DCLRE1A: variants seen among roughly 807,000 people sequenced by gnomAD.
DCLRE1A encodes DNA cross-link repair 1A protein.
Under a neutral mutation model 91.9 loss-of-function variants are expected in DCLRE1A, and 64 were observed. That is an observed-to-expected ratio of 0.70 (90% CI 0.57 to 0.86). The LOEUF is 0.86. DCLRE1A is among the 40% of genes least tolerant of loss of function. The pLI is 0.00. For synonymous variants in DCLRE1A, 416 were observed against 431.1 expected (o/e 0.96, Z 0.43); for missense variants, 1,145 against 1,213.3 (o/e 0.94, Z 0.84).
chr10:113,844,185 G>C lies in DCLRE1A; in HGVS notation c.2438C>G (p.Thr813Arg). The change falls in exon 5 of 9, where the codon ACG (threonine) becomes AGG (arginine). Residue 813 changes from threonine to arginine, a missense_variant. Transcript: ENST00000361384. ...GCTGGGATCTGCTCTGAAGTCTCCC[G>C]TGTGTAATATGACAGTACCATTAGG... ...YLPNGTVILH[T>R]GDFRADPSME... The C allele has an allele frequency of 6.2e-7, 1 of 1,614,156 alleles. No individual in the cohort carries two copies. Among genetic ancestry groups the C allele is most frequent in the Non-Finnish European group, 8.5e-7 (1 of 1,180,018 alleles).
At chr10:113,837,269 T>G (rs1014512075) in intron 7 of DCLRE1A, 66 bp from the exon 8 acceptor site, 2 of 1,457,266 alleles carry the variant, frequency 1.4e-6, no homozygotes, top group African/African-American at 2.8e-5. Context: ...ACAGACTGAT[T>G]AAAGATGTTA....
At chr10:113,839,070 A>T (rs1845405384) in intron 7 of DCLRE1A, among the ~76,000 whole-genome samples, 1 of 152,166 alleles carries the variant, frequency 6.6e-6, no homozygotes, top group Non-Finnish European at 1.5e-5. Flanking sequence ...TCACGCATGT[A>T]TTCCCAGCAC....
intron 8 of DCLRE1A, among the ~76,000 whole-genome samples, chr10:113,836,085 C>T (rs1176277283): frequency 6.6e-6 from 1 of 152,168 alleles, no homozygotes; most frequent in Non-Finnish European, 1.5e-5. Context: ...TGCCTTCTGT[C>T]ATGATTGTAA....
At chr10:113,852,384 T>C (rs1300107997) in intron 1 of DCLRE1A, among the ~76,000 whole-genome samples, 1 of 152,242 alleles carries the variant, frequency 6.6e-6, no homozygotes, top group Non-Finnish European at 1.5e-5. Context: ...TTAAGAACTT[T>C]CATCTATAAA....
intron 3 of DCLRE1A, 93 bp downstream of exon 3, chr10:113,847,109 A>G (rs1213122482): frequency 1.6e-6 from 2 of 1,215,998 alleles, no homozygotes; most frequent in Non-Finnish European, 2.2e-6. Flanking sequence ...AGTAGAATGA[A>G]AGATCTTACT....
At chr10:113,841,756 A>G (rs1845449553) in intron 6 of DCLRE1A, among the ~76,000 whole-genome samples, 196 bp from the exon 7 acceptor site, 1 of 152,186 alleles carries the variant, frequency 6.6e-6, no homozygotes, top group Non-Finnish European at 1.5e-5. Context: ...AAAACTAAAT[A>G]ATTTATTTTT....
In DCLRE1A at chr10:113,850,120, A is replaced by C; in HGVS notation, c.985T>G (p.Ser329Ala). 1 of 1,614,030 alleles carries C rather than the reference A, an allele frequency of 6.2e-7. No individual in the cohort carries two copies. ...TCTTCTTCGAGGCTGCCATCTTTTG[A>C]GCTTTCGGTAAAAAACAGTTGTTCT... ...SQEQLFFTES[S>A]KDGSLEEDDD... Residue 329 changes from serine to alanine, a missense_variant, in exon 2 of 9, where the codon TCA becomes GCA. Ser to Ala is a moderately conservative substitution (Grantham distance 99, BLOSUM62 1). Coordinates refer to ENST00000361384, the MANE Select transcript of DCLRE1A (RefSeq NM_014881.5).
In DCLRE1A at chr10:113,852,958, A is replaced by G; in HGVS notation, c.225T>C (p.Ser75=). 1 of 1,614,218 alleles carries G rather than the reference A, an allele frequency of 6.2e-7. No individual in the cohort carries two copies. Among genetic ancestry groups the G allele is most frequent in the Non-Finnish European group, 8.5e-7 (1 of 1,180,040 alleles). Reference sequence around the variant, plus strand: ...AACTTGAATTCTGACTAGAAGCAACAGAAGTCTGACAACCTGCATTTCCAA... The same window carrying G: ...AACTTGAATTCTGACTAGAAGCAACGGAAGTCTGACAACCTGCATTTCCAA... ...VPLGNAGCQT[S]VASSQNSSCG... The change falls in exon 1 of 9, where the codon TCT becomes TCC. Residue 75 remains serine, a synonymous_variant. Transcript: ENST00000361384.
chr10:113,853,061 C>A lies in DCLRE1A; in HGVS notation c.122G>T (p.Gly41Val). The change falls in exon 1 of 9, where the codon GGA (glycine) becomes GTA (valine). Residue 41 changes from glycine to valine, a missense_variant. Physicochemically the swap from Gly to Val is moderately radical, Grantham distance 109 (BLOSUM62 -3). Coordinates refer to ENST00000361384, the MANE Select transcript of DCLRE1A (RefSeq NM_014881.5). ...ILKSVEKATD[G>V]KYQSKRSRNR... ...TCTACTCCGTTTTGACTGGTATTTT[C>A]CATCTGTTGCTTTTTCAACAGATTT... is the stretch of plus-strand genomic sequence containing the variant. 1 of 1,613,466 alleles carries A rather than the reference C, an allele frequency of 6.2e-7. No homozygotes were observed. Among genetic ancestry groups the A allele is most frequent in the Non-Finnish European group, 8.5e-7 (1 of 1,179,916 alleles).
intron 3 of DCLRE1A, among the ~76,000 whole-genome samples, chr10:113,846,895 G>A (rs1271971684): frequency 5.9e-5 from 9 of 152,106 alleles, no homozygotes; most frequent in Non-Finnish European, 1.3e-4. Flanking sequence ...GATACAGCAG[G>A]CTGACTGTAT....
intron 3 of DCLRE1A, among the ~76,000 whole-genome samples, chr10:113,846,919 T>C (rs965105656): frequency 2.6e-5 from 4 of 152,242 alleles, no homozygotes; most frequent in African/African-American, 4.8e-5. Context: ...GCCTTGAGAA[T>C]CCATTTAGGC....
chr10:113,838,664 G>T (rs147279237), intron 7 of DCLRE1A, among the ~76,000 whole-genome samples: 1 of 152,206 alleles, frequency 6.6e-6, no homozygotes, highest in African/African-American at 2.4e-5. Context: ...TCCGTTTATT[G>T]GTAACCAGTT....
intron 7 of DCLRE1A, among the ~76,000 whole-genome samples, chr10:113,838,020 T>A (rs946222759): frequency 2.0e-5 from 3 of 152,156 alleles, no homozygotes; most frequent in African/African-American, 7.2e-5. Context: ...ATTGATGAAT[T>A]GGTAACAATC....
At chr10:113,835,518 C>A (rs1305866889) in intron 8 of DCLRE1A, among the ~76,000 whole-genome samples, 1 of 152,130 alleles carries the variant, frequency 6.6e-6, no homozygotes, top group East Asian at 1.9e-4. Flanking sequence ...GATACCAATA[C>A]GGTTTGGCTC....
intron 2 of DCLRE1A, 22 bp from the exon 3 acceptor site, chr10:113,847,357 A>C: frequency 6.2e-7 from 1 of 1,612,700 alleles, no homozygotes; most frequent in Non-Finnish European, 8.5e-7. Context: ...ATACCGACAC[A>C]GTAGGTTGAG....
At position 113,834,878 on chromosome 10, in the gene DCLRE1A, T is replaced by C. The variant is rs140760688; in HGVS notation, c.*274A>G. 321 of 267,204 alleles carry C rather than the reference T, an allele frequency of 1.2e-3. No individual in the cohort carries two copies. Among genetic ancestry groups the C allele is most frequent in the African/African-American group, 6.4e-3 (293 of 45,632 alleles). 16.6% of individuals were successfully genotyped at this position (267,204 alleles called of 1,614,324 possible). On this transcript the variant is annotated 3_prime_UTR_variant, in exon 9 of 9. Transcript: ENST00000361384. ...GGTCCCTGAATCTGCCTTTGCTTCCTCTTCTAAGGCTTGATGCAGAATATA... is the reference window on the plus strand; with the variant it reads ...GGTCCCTGAATCTGCCTTTGCTTCCCCTTCTAAGGCTTGATGCAGAATATA...
rs1464180662 is a variant in DCLRE1A, at chr10:113,853,092, T to A, written c.91A>T (p.Ile31Phe). 3 of 1,611,016 alleles carry A rather than the reference T, an allele frequency of 1.9e-6. No homozygotes were observed. Among genetic ancestry groups the A allele is most frequent in the Non-Finnish European group, 1.7e-6 (2 of 1,179,494 alleles). Residue 31 changes from isoleucine (I) to phenylalanine (F), a missense_variant, in exon 1 of 9, where the codon ATT (isoleucine) becomes TTT (phenylalanine). Coordinates refer to ENST00000361384, the MANE Select transcript of DCLRE1A (RefSeq NM_014881.5). ...GTTGCTTTTTCAACAGATTTTAGAA[T>A]ATTTTTAGAGCCATTATTTGGATCA... ...RVDPNNGSKN[I>F]LKSVEKATDG... is the part of the protein sequence containing the mutation.
chr10:113,846,540 T>C (rs1254936926), intron 3 of DCLRE1A, among the ~76,000 whole-genome samples: 1 of 152,188 alleles, frequency 6.6e-6, no homozygotes, highest in African/African-American at 2.4e-5. Flanking sequence ...AATCCCAATA[T>C]GGCATTATTT....
chr10:113,853,014 C>T lies in DCLRE1A; in HGVS notation c.169G>A (p.Ala57Thr), dbSNP rs147850121. The T allele has an allele frequency of 4.3e-6, 7 of 1,613,992 alleles. No homozygotes were observed. In the African/African-American group the frequency reaches 6.7e-5, roughly 15 times the overall value. Residue 57 changes from alanine (A) to threonine (T), a missense_variant, in exon 1 of 9, where the codon GCT becomes ACT. Coordinates refer to ENST00000361384, the MANE Select transcript of DCLRE1A (RefSeq NM_014881.5). ...ACTTCATGGTCCTTCACCTCTTTAG[C>T]TTCTGCGGCTCTTTTTCTGTTTCTA... ...RSRNRKRAAE[A>T]KEVKDHEVPL...
Sources: gnomAD v4.1 joint callset for allele counts (sites outside exome capture counted in the v4.1 genomes callset) on GRCh38, gnomAD v4.1.1 for gene constraint, MANE v1.5 for transcripts, NCBI Gene and HGNC (gene_info 2026-07-23, HGNC 2026-07-21) for gene names.